The following AUTS2 variants were observed in gnomAD, a reference collection of about 807,000 sequenced individuals.
AUTS2 encodes autism susceptibility gene 2 protein.
In AUTS2, 17 loss-of-function variants were observed where a neutral mutation model predicts 112.4. That is an observed-to-expected ratio of 0.15 (90% confidence interval 0.10 to 0.23). AUTS2 has a LOEUF of 0.23. Ranked by LOEUF, AUTS2 falls within the 10% of genes least tolerant of loss-of-function variation. The pLI is 1.00. For missense variants in AUTS2, 1,510 were observed against 1,701.6 expected (o/e 0.89, Z 1.98); for synonymous variants, 751 against 702.7 (o/e 1.07, Z -1.09).
chr7:70,676,359 G>A (rs1807911188), intron 5 of AUTS2, among the ~76,000 whole-genome samples: 1 of 152,094 alleles, frequency 6.6e-6, no homozygotes, highest in South Asian at 2.1e-4. Flanking sequence ...TTGAGCCCTT[G>A]AGGTCGAGGC....
chr7:70,152,618 T>A (rs1274318431), intron 4 of AUTS2, among the ~76,000 whole-genome samples: 3 of 152,098 alleles, frequency 2.0e-5, no homozygotes, highest in African/African-American at 7.2e-5. Context: ...AAAGGACTTT[T>A]ATGCACAATA....
intron 4 of AUTS2, among the ~76,000 whole-genome samples, chr7:70,335,289 T>C (rs1269879352): frequency 1.3e-5 from 2 of 152,196 alleles, no homozygotes; most frequent in African/African-American, 4.8e-5. Context: ...TTAAGTGTGC[T>C]CAAAGATCTG....
At chr7:70,527,219 A>G (rs113239854) in intron 5 of AUTS2, among the ~76,000 whole-genome samples, 9 of 152,362 alleles carry the variant, frequency 5.9e-5, no homozygotes, top group African/African-American at 1.4e-4. Flanking sequence ...CAGTTGAAGC[A>G]TACTCCAGAA....
In AUTS2 at chr7:70,395,720, A is replaced by G. The variant is rs1794050307; in HGVS notation, c.661-40032A>G. Among the ~76,000 whole-genome samples the G allele has an allele frequency of 3.3e-5, 5 of 152,184 alleles. No homozygotes were observed. In the South Asian group the frequency reaches 8.3e-4, roughly 25 times the overall value. On this transcript the variant is annotated intron_variant, in intron 4 of 18. Transcript: ENST00000342771. ...AATTATCAGTGCTTAGTGACTTTGA[A>G]GATAAACATGGATTACAGGTTCAAG...
At chr7:69,971,185 C>T (rs901229167) in intron 2 of AUTS2, among the ~76,000 whole-genome samples, 4 of 151,982 alleles carry the variant, frequency 2.6e-5, no homozygotes, top group Non-Finnish European at 5.9e-5. Context: ...CTCAAAAAAC[C>T]ATTTTTCCCC....
intron 4 of AUTS2, among the ~76,000 whole-genome samples, chr7:70,410,279 C>T (rs1227448749): frequency 6.6e-6 from 1 of 152,132 alleles, no homozygotes; most frequent in Non-Finnish European, 1.5e-5. Context: ...TACTGCTCTA[C>T]CTCTTCCCCA....
intron 2 of AUTS2, among the ~76,000 whole-genome samples, chr7:69,901,709 A>G (rs1406534339): frequency 1.3e-5 from 2 of 152,238 alleles, no homozygotes; most frequent in African/African-American, 2.4e-5. Context: ...TCTTACCTTC[A>G]GTGTTGATGC....
At chr7:70,724,732 A>T (rs945189171) in intron 6 of AUTS2, among the ~76,000 whole-genome samples, 4 of 152,198 alleles carry the variant, frequency 2.6e-5, no homozygotes, top group African/African-American at 9.6e-5. Context: ...GGCGTGAGCC[A>T]CCGCGCCCGG....
intron 1 of AUTS2, among the ~76,000 whole-genome samples, chr7:69,716,162 A>G (rs528019835): frequency 2.0e-5 from 3 of 152,210 alleles, no homozygotes; most frequent in South Asian, 4.2e-4. Flanking sequence ...TCATTTTTGA[A>G]GTTCTAAATG....
intron 5 of AUTS2, among the ~76,000 whole-genome samples, chr7:70,486,435 A>T (rs1405073833): frequency 6.6e-6 from 1 of 152,218 alleles, no homozygotes; most frequent in African/African-American, 2.4e-5. Context: ...TTAGTGCTTA[A>T]TAAATGTTAG....
In AUTS2 at chr7:70,746,397, C is replaced by T. The variant is rs573600738; in HGVS notation, c.743-16473C>T. Among the ~76,000 whole-genome samples, 167 of 152,272 alleles carry T rather than the reference C, an allele frequency of 1.1e-3. 1 individual carries two copies. Among genetic ancestry groups the T allele is most frequent in the African/African-American group, 3.9e-3 (160 of 41,552 alleles). On this transcript the variant is annotated intron_variant, in intron 6 of 18. Coordinates refer to ENST00000342771, the MANE Select transcript of AUTS2 (RefSeq NM_015570.4). Reference sequence around the variant, plus strand: ...CGGACCTCAGGTGATCCGCCCACCTCGGCCTCCCAAAGTGCTGGGATTACA... The same window carrying T: ...CGGACCTCAGGTGATCCGCCCACCTTGGCCTCCCAAAGTGCTGGGATTACA...
rs1562756024 is a variant in AUTS2, at chr7:69,609,450, C to CCA, written c.309+9490_309+9491dup. ...ATTCATCGTTTTTAAACACTGCCTC[C>CCA]CACCTCCCTTTTATAAGGATGTAAA... On this transcript the variant is annotated intron_variant, in intron 1 of 18. Transcript: ENST00000342771. 3.9e-5 allele frequency among the ~76,000 whole-genome samples: 6 copies of CCA among 152,220 alleles called. No individual in the cohort carries two copies. The South Asian group carries it at 1.3e-3, about 32-fold the overall frequency.
At chr7:70,490,806 C>T (rs1798200942) in intron 5 of AUTS2, among the ~76,000 whole-genome samples, 1 of 152,224 alleles carries the variant, frequency 6.6e-6, no homozygotes, top group South Asian at 2.1e-4. Flanking sequence ...CAAAACTGAC[C>T]TGATGCCATC....
rs145550703 is a variant in AUTS2, at chr7:69,891,636, C to T, written c.310-7650C>T. Among the ~76,000 whole-genome samples, 178 of 151,950 alleles carry T rather than the reference C, an allele frequency of 1.2e-3. 1 individual carries two copies. Among genetic ancestry groups the T allele is most frequent in the African/African-American group, 4.0e-3 (164 of 41,434 alleles). ...CATCCTCTGCATCCTTGCCCACTCTCGGTAGGGTCATTCTTTCTTATTTCA... is the reference window on the plus strand; with the variant it reads ...CATCCTCTGCATCCTTGCCCACTCTTGGTAGGGTCATTCTTTCTTATTTCA... On this transcript the variant is annotated intron_variant, in intron 1 of 18. Coordinates refer to ENST00000342771, the MANE Select transcript of AUTS2 (RefSeq NM_015570.4).
At chr7:70,122,423 T>C (rs1805728991) in intron 3 of AUTS2, among the ~76,000 whole-genome samples, 1 of 152,232 alleles carries the variant, frequency 6.6e-6, no homozygotes, top group Non-Finnish European at 1.5e-5. Context: ...TTATAACTTT[T>C]ACCAGCCTTG....
At chr7:69,713,623 G>A (rs941598787) in intron 1 of AUTS2, among the ~76,000 whole-genome samples, 2 of 151,828 alleles carry the variant, frequency 1.3e-5, no homozygotes, top group South Asian at 2.1e-4. Flanking sequence ...ACCATGCCTG[G>A]CTCATTATTG....
chr7:70,047,286 T>C (rs1015926078), intron 2 of AUTS2, among the ~76,000 whole-genome samples: 2 of 152,200 alleles, frequency 1.3e-5, no homozygotes, highest in African/African-American at 4.8e-5. Context: ...AGTTATTCAC[T>C]TAGTCAAAAT....
At chr7:70,784,602 T>TCCCCTCCTCCCATGAC (rs1791307296) in intron 15 of AUTS2, 1 of 240,436 alleles carries the variant, frequency 4.2e-6, no homozygotes, top group Non-Finnish European at 8.0e-6. Context: ...TTATAAAGCC[T>TCCCCTCCTCCCATGAC]CCCCTCCTCC....
At chr7:70,765,586 G>T (rs991965561) in intron 8 of AUTS2, among the ~76,000 whole-genome samples, 1 of 152,120 alleles carries the variant, frequency 6.6e-6, no homozygotes, top group African/African-American at 2.4e-5. Context: ...ATGTTATGCC[G>T]CCAATACAGA....
Sources: gnomAD v4.1 joint callset for allele counts (sites outside exome capture counted in the v4.1 genomes callset) on GRCh38, gnomAD v4.1.1 for gene constraint, MANE v1.5 for transcripts, NCBI Gene and HGNC (gene_info 2026-07-23, HGNC 2026-07-21) for gene names.